Variants in SRPK1 observed in about 807,000 individuals in gnomAD.
The protein encoded by SRPK1 is SFRS protein kinase 1.
In SRPK1, 52 loss-of-function variants were observed where a neutral mutation model predicts 89.5. The ratio of observed to expected loss-of-function variants is 0.58; its 90% CI spans 0.46 to 0.73. SRPK1 has a LOEUF of 0.73. SRPK1 is among the 30% of genes least tolerant of loss of function. SRPK1 has a pLI of 0.00. For synonymous variants in SRPK1, 255 were observed against 270.2 expected (o/e 0.94, Z 0.55); for missense variants, 603 against 780.6 (o/e 0.77, Z 2.71).
chr6:35,880,746 A>AAAAAGAAAGAAAGAAAG (rs1554152663), intron 6 of SRPK1, among the ~76,000 whole-genome samples: 3 of 89,204 alleles, frequency 3.4e-5, no homozygotes, highest in African/African-American at 1.4e-4. Flanking sequence ...AAAAAAAAAA[A>AAAAAGAAAGAAAGAAAG]AAAAGAAAAG....
At chr6:35,848,425 G>A (rs1292344574) in intron 13 of SRPK1, among the ~76,000 whole-genome samples, 1 of 152,094 alleles carries the variant, frequency 6.6e-6, no homozygotes, top group African/African-American at 2.4e-5. Context: ...GATGTGGTGG[G>A]GCACACCTGT....
Position 35,870,365 on chromosome 6 carries a change from G to A in SRPK1, c.907C>T (p.Pro303Ser). 6.2e-6 allele frequency: 10 copies of A among 1,610,476 alleles called. No homozygotes were observed. The highest frequency in any genetic ancestry group is 5.1e-6 in the Non-Finnish European group (6 of 1,178,142). The change falls in exon 10 of 16, where the codon CCA (proline) becomes TCA (serine). Residue 303 changes from proline to serine, a missense_variant. Coordinates refer to ENST00000373825, the MANE Select transcript of SRPK1 (RefSeq NM_003137.5). ...CTCTCTGATTCTTCTTGCTTGTTTG[G>A]TCTTTTTTGCCCAGGGCCCGACTCT... The part of the protein sequence containing the change: ...EKESGPGQKR[P>S]NKQEESESPV...
At chr6:35,916,900 A>G (rs1771116104) in intron 2 of SRPK1, among the ~76,000 whole-genome samples, 1 of 152,122 alleles carries the variant, frequency 6.6e-6, no homozygotes, top group African/African-American at 2.4e-5. Flanking sequence ...CTACCCCGAA[A>G]AATACAAAAA....
At chr6:35,899,895 G>C (rs899913323) in intron 2 of SRPK1, among the ~76,000 whole-genome samples, 2 of 151,876 alleles carry the variant, frequency 1.3e-5, no homozygotes, top group Non-Finnish European at 2.9e-5. Context: ...CAGCAACTCG[G>C]GAGGCTGAGG....
Position 35,838,978 on chromosome 6 carries a change from T to C in SRPK1, c.1691-549A>G, listed in dbSNP as rs538295346. The C allele has an allele frequency of 1.0e-5, 5 of 489,960 alleles. No homozygotes were observed. In the East Asian group the frequency reaches 3.7e-4, roughly 36 times the overall value. The allele number at this position is 489,960 out of a possible 1,614,324, so 30.4% of individuals were successfully genotyped here. On this transcript the variant is annotated intron_variant, in intron 14 of 15. Transcript: ENST00000373825. ...AGGTGGTTGGTCACCCGATAGTGTCTGGCAAGTCCCATTCTGGATTTTGGA... is the reference window on the plus strand; with the variant it reads ...AGGTGGTTGGTCACCCGATAGTGTCCGGCAAGTCCCATTCTGGATTTTGGA...
At chr6:35,893,049 A>G (rs943398075) in intron 2 of SRPK1, among the ~76,000 whole-genome samples, 1 of 152,158 alleles carries the variant, frequency 6.6e-6, no homozygotes, top group Non-Finnish European at 1.5e-5. Flanking sequence ...AACTGAAAAC[A>G]TGTCTTTGGG....
At chr6:35,871,204 TAA>T (rs1242932264) in intron 8 of SRPK1, among the ~76,000 whole-genome samples, 1 of 152,154 alleles carries the variant, frequency 6.6e-6, no homozygotes, top group Admixed American at 6.5e-5. Context: ...CCAGGTAAAC[TAA>T]AGTTGCTAAA....
intron 2 of SRPK1, among the ~76,000 whole-genome samples, chr6:35,902,015 ACT>A (rs1181193527): frequency 6.6e-6 from 1 of 152,006 alleles, no homozygotes; most frequent in Non-Finnish European, 1.5e-5. Context: ...TATACTCCAA[ACT>A]CTACCATATA....
In SRPK1 at chr6:35,866,737, C is replaced by T. The variant is rs144230250; in HGVS notation, c.1512+2273G>A. 3.8e-3 allele frequency among the ~76,000 whole-genome samples: 579 copies of T among 152,226 alleles called. 2 individuals carry two copies. The highest frequency in any genetic ancestry group is 0.013 in the African/African-American group (544 of 41,528). ...AATATACCTATACTTGTATGTTTAT[C>T]ACAGCACTATTCATAATTACAACTA... On this transcript the variant is annotated intron_variant, in intron 12 of 15. Transcript: ENST00000373825.
intron 13 of SRPK1, among the ~76,000 whole-genome samples, chr6:35,844,755 A>G (rs1462881544): frequency 6.6e-6 from 1 of 152,210 alleles, no homozygotes; most frequent in Non-Finnish European, 1.5e-5. Flanking sequence ...CAACAGAGAA[A>G]CAAATCATGA....
At position 35,835,177 on chromosome 6, in the gene SRPK1, T is replaced by TAAA. The variant is rs530585321; in HGVS notation, c.*124_*126dup. On this transcript the variant is annotated 3_prime_UTR_variant, in exon 16 of 16. Coordinates refer to ENST00000373825, the MANE Select transcript of SRPK1 (RefSeq NM_003137.5). ...GCAAACCCAAATGAACATGTTGGAT[T>TAAA]AAAAAAAAAACAAGATCTAGAAACT... The TAAA allele has an allele frequency of 1.3e-6, 1 of 794,908 alleles. No homozygotes were observed. Among genetic ancestry groups the TAAA allele is most frequent in the Non-Finnish European group, 1.8e-6 (1 of 543,552 alleles). 49.2% of individuals were successfully genotyped at this position (794,908 alleles called of 1,614,324 possible).
chr6:35,908,297 T>C (rs1277020733), intron 2 of SRPK1, among the ~76,000 whole-genome samples: 1 of 152,182 alleles, frequency 6.6e-6, no homozygotes, highest in Non-Finnish European at 1.5e-5. Flanking sequence ...GTTTGGAGCT[T>C]CCTAGAGACT....
intron 2 of SRPK1, among the ~76,000 whole-genome samples, chr6:35,896,296 G>A (rs1770625561): frequency 6.6e-6 from 1 of 152,146 alleles, no homozygotes; most frequent in Admixed American, 6.6e-5. Flanking sequence ...CTGATTGGGT[G>A]GTGTATGGCA....
At position 35,842,612 on chromosome 6, in the gene SRPK1, A is replaced by T; in HGVS notation, c.1621-8T>A. On this transcript the variant is annotated splice_polypyrimidine_tract_variant and splice_region_variant and intron_variant, in intron 13 of 15. Transcript: ENST00000373825. Reference sequence around the variant, plus strand: ...TGTGGCCAGTTCAAAGGCCTAAAAAAAAAAGAGGACAGTATATGAAAGCAC... The same window carrying T: ...TGTGGCCAGTTCAAAGGCCTAAAAATAAAAGAGGACAGTATATGAAAGCAC... 6.2e-7 allele frequency: 1 copy of T among 1,602,862 alleles called. No individual in the cohort carries two copies. The highest frequency in any genetic ancestry group is 8.5e-7 in the Non-Finnish European group (1 of 1,175,918).
intron 12 of SRPK1, among the ~76,000 whole-genome samples, chr6:35,861,530 G>C (rs1769782575): frequency 6.6e-6 from 1 of 152,208 alleles, no homozygotes; most frequent in African/African-American, 2.4e-5. Context: ...GCACTCCTGG[G>C]AGGGTCCCTA....
Position 35,840,147 on chromosome 6 carries a change from T to C in SRPK1, c.1691-1718A>G, listed in dbSNP as rs1053166192. 1.4e-4 allele frequency among the ~76,000 whole-genome samples: 22 copies of C among 152,330 alleles called. No individual in the cohort carries two copies. The East Asian group carries it at 1.9e-3, about 13-fold the overall frequency. On this transcript the variant is annotated intron_variant, in intron 14 of 15. Transcript: ENST00000373825. Reference sequence around the variant, plus strand: ...AGAAAAAAAGCTTTAGAAAATACTTTTATCGTGTAGTTACAGAATCATTAA... The same window carrying C: ...AGAAAAAAAGCTTTAGAAAATACTTCTATCGTGTAGTTACAGAATCATTAA...
chr6:35,860,262 C>T (rs947035585), intron 12 of SRPK1, among the ~76,000 whole-genome samples: 2 of 152,110 alleles, frequency 1.3e-5, no homozygotes, highest in East Asian at 1.9e-4. Flanking sequence ...AGAGGTGAGA[C>T]CTTTTAGCCT....
intron 2 of SRPK1, among the ~76,000 whole-genome samples, chr6:35,892,623 C>G (rs1007549766): frequency 6.6e-6 from 1 of 151,630 alleles, no homozygotes; most frequent in African/African-American, 2.4e-5. Context: ...TTGCACTCCA[C>G]CCTGGGCAAC....
At chr6:35,841,686 G>T (rs1156835929) in intron 14 of SRPK1, among the ~76,000 whole-genome samples, 1 of 152,020 alleles carries the variant, frequency 6.6e-6, no homozygotes, top group Admixed American at 6.6e-5. Context: ...ACAAAAATTA[G>T]CTGGGCATGG....
Sources: gnomAD v4.1 joint callset for allele counts (sites outside exome capture counted in the v4.1 genomes callset) on GRCh38, gnomAD v4.1.1 for gene constraint, MANE v1.5 for transcripts, NCBI Gene and HGNC (gene_info 2026-07-23, HGNC 2026-07-21) for gene names.